TMEM132C: variants seen among roughly 807,000 people sequenced by gnomAD.
TMEM132C encodes the protein transmembrane protein 132C.
TMEM132C carries 29 observed loss-of-function variants against 61.4 expected under a neutral mutation model. That is an observed-to-expected ratio of 0.47 (90% CI 0.35 to 0.64). The LOEUF (loss-of-function observed/expected upper bound fraction) is 0.64. TMEM132C is among the 30% of genes least tolerant of loss of function. The probability of loss-of-function intolerance (pLI) is 0.00; values close to 1 mark genes in which losing one functional copy is unlikely to be tolerated. For synonymous variants in TMEM132C, 656 were observed against 633.1 expected (o/e 1.04, Z -0.54); for missense variants, 1,408 against 1,476.9 (o/e 0.95, Z 0.76).
intron 1 of TMEM132C, among the ~76,000 whole-genome samples, chr12:128,342,727 A>C (rs1200695195): frequency 6.6e-6 from 1 of 152,206 alleles, no homozygotes; most frequent in East Asian, 1.9e-4. Context: ...CAGAGAAGGA[A>C]TTCTGCTGCC....
intron 1 of TMEM132C, among the ~76,000 whole-genome samples, chr12:128,389,674 T>C (rs1051078306): frequency 2.0e-5 from 3 of 152,086 alleles, no homozygotes; most frequent in South Asian, 4.1e-4. Flanking sequence ...GAAGAGGACA[T>C]GGCCAGCCCT....
chr12:128,696,059 A>T lies in TMEM132C; in HGVS notation c.1885A>T (p.Ser629Cys). The T allele has an allele frequency of 6.4e-7, 1 of 1,551,692 alleles. No homozygotes were observed. Among genetic ancestry groups the T allele is most frequent in the Non-Finnish European group, 8.7e-7 (1 of 1,146,984 alleles). ...EEPHVATLQD[S>C]RVLVGREVGM... The stretch of plus-strand genomic sequence containing the variant: ...ACCTCACGTGGCCACCCTCCAGGAC[A>T]GCCGGGTCCTGGTTGGGCGAGAGGT... The change falls in exon 7 of 9, where the codon AGC becomes TGC. Residue 629 changes from serine (S) to cysteine (C), a missense_variant. Physicochemically the swap from Ser to Cys is moderately radical, Grantham distance 112. Transcript: ENST00000435159.
intron 1 of TMEM132C, among the ~76,000 whole-genome samples, chr12:128,354,853 C>T (rs1207083427): frequency 6.6e-6 from 1 of 152,174 alleles, no homozygotes; most frequent in African/African-American, 2.4e-5. Flanking sequence ...CACACCATCA[C>T]CCCCTGTTCC....
Position 128,705,461 on chromosome 12 carries a change from T to C in TMEM132C, c.2493T>C (p.His831=), listed in dbSNP as rs1301186989. The part of the protein sequence containing the change: ...ASDRRQKGQH[H]ERTGQDGHLY... ...ACCGCCGGCAGAAGGGCCAGCACCA[T>C]GAGCGCACAGGCCAAGATGGGCACC... Residue 831 remains histidine (H), a synonymous_variant, in exon 9 of 9, where the codon CAT becomes CAC. Coordinates refer to ENST00000435159, the MANE Select transcript of TMEM132C (RefSeq NM_001136103.3). 1.9e-6 allele frequency: 3 copies of C among 1,551,112 alleles called. No homozygotes were observed. The highest frequency in any genetic ancestry group is 3.3e-4 in the Middle Eastern group (2 of 5,990).
At chr12:128,292,819 A>G (rs1871288250) in intron 1 of TMEM132C, among the ~76,000 whole-genome samples, 1 of 152,170 alleles carries the variant, frequency 6.6e-6, no homozygotes, top group Admixed American at 6.5e-5. Context: ...ATCATGACAC[A>G]GTGGAATTAA....
chr12:128,677,433 A>C (rs1056164469), intron 5 of TMEM132C, among the ~76,000 whole-genome samples: 1 of 151,782 alleles, frequency 6.6e-6, no homozygotes, highest in African/African-American at 2.4e-5. Flanking sequence ...TACGGAGATG[A>C]TGGGCGACAT....
At chr12:128,633,065 T>C (rs1954075765) in intron 4 of TMEM132C, among the ~76,000 whole-genome samples, 1 of 152,010 alleles carries the variant, frequency 6.6e-6, no homozygotes, top group Non-Finnish European at 1.5e-5. Context: ...GTTGCAGGTA[T>C]GAGATTGGTG....
chr12:128,437,521 A>G (rs1397756886), intron 2 of TMEM132C, among the ~76,000 whole-genome samples: 1 of 152,082 alleles, frequency 6.6e-6, no homozygotes, highest in Admixed American at 6.5e-5. Context: ...TGTTCCATGC[A>G]GGAAGGAAGG....
chr12:128,590,669 A>C lies in TMEM132C; in HGVS notation c.1122-25483A>C, dbSNP rs183745807. ...GAATGGTGTTGAGTCACATCACATA[A>C]GGAGACGCAGGAGGTTCAGGCTGTC... On this transcript the variant is annotated intron_variant, in intron 3 of 8. Coordinates refer to ENST00000435159, the MANE Select transcript of TMEM132C (RefSeq NM_001136103.3). Among the ~76,000 whole-genome samples, 38 of 152,318 alleles carry C rather than the reference A, an allele frequency of 2.5e-4. No individual in the cohort carries two copies. The East Asian group carries it at 7.1e-3, about 29-fold the overall frequency.
chr12:128,333,489 TTG>T (rs1872715803), intron 1 of TMEM132C, among the ~76,000 whole-genome samples: 3 of 151,790 alleles, frequency 2.0e-5, no homozygotes, highest in East Asian at 1.9e-4. Context: ...GCTGTGTCTG[TTG>T]TGTGTGTGTT....
chr12:128,449,030 G>A lies in TMEM132C; in HGVS notation c.974+33410G>A, dbSNP rs1354028903. Among the ~76,000 whole-genome samples the A allele has an allele frequency of 4.6e-5, 7 of 151,392 alleles. No homozygotes were observed. The South Asian group carries it at 6.3e-4, about 14-fold the overall frequency. On this transcript the variant is annotated intron_variant, in intron 2 of 8. Coordinates refer to ENST00000435159, the MANE Select transcript of TMEM132C (RefSeq NM_001136103.3). ...CGGGCACCTGTAGTCCCAGCTACTC[G>A]GGAGGCTGAGACAGGAGAACGGCGT...
At position 128,661,876 on chromosome 12, in the gene TMEM132C, C is replaced by T. The variant is rs147355972; in HGVS notation, c.1306-7541C>T. ...ATATATTTACATAAACTATGTAAAACGTGCTTTTGTATAAAACATAAAAGC... is the reference window on the plus strand; with the variant it reads ...ATATATTTACATAAACTATGTAAAATGTGCTTTTGTATAAAACATAAAAGC... On this transcript the variant is annotated intron_variant, in intron 4 of 8. Coordinates refer to ENST00000435159, the MANE Select transcript of TMEM132C (RefSeq NM_001136103.3). Among the ~76,000 whole-genome samples, 5 of 152,176 alleles carry T rather than the reference C, an allele frequency of 3.3e-5. No homozygotes were observed. In the South Asian group the frequency reaches 6.2e-4, roughly 19 times the overall value.
intron 1 of TMEM132C, among the ~76,000 whole-genome samples, chr12:128,307,969 C>T (rs1446122253): frequency 1.3e-5 from 2 of 152,296 alleles, no homozygotes; most frequent in East Asian, 1.9e-4. Context: ...GTCCAATGAG[C>T]GTGGTACATT....
At chr12:128,627,055 G>T (rs577980276) in intron 4 of TMEM132C, among the ~76,000 whole-genome samples, 88 of 152,250 alleles carry the variant, frequency 5.8e-4, no homozygotes, top group African/African-American at 1.9e-3. Context: ...TGTCCTCACT[G>T]TGCCATCCTG....
chr12:128,442,300 G>A (rs943773893), intron 2 of TMEM132C, among the ~76,000 whole-genome samples: 1 of 152,208 alleles, frequency 6.6e-6, no homozygotes, highest in African/African-American at 2.4e-5. Context: ...AGAGTTGAAT[G>A]AGACAGATCC....
chr12:128,588,795 C>T (rs933557632), intron 3 of TMEM132C, among the ~76,000 whole-genome samples: 2 of 152,192 alleles, frequency 1.3e-5, no homozygotes, highest in African/African-American at 2.4e-5. Flanking sequence ...ACTGACTTCA[C>T]CCTGGGCTTC....
intron 4 of TMEM132C, among the ~76,000 whole-genome samples, chr12:128,661,167 G>A (rs1954385974): frequency 6.6e-6 from 1 of 152,204 alleles, no homozygotes; most frequent in Admixed American, 6.5e-5. Flanking sequence ...GGCACAAACT[G>A]AAGTGCTGTC....
intron 5 of TMEM132C, 117 bp from the exon 6 acceptor site, chr12:128,693,712 T>A: frequency 1.6e-6 from 2 of 1,214,542 alleles, no homozygotes; most frequent in Non-Finnish European, 1.2e-6. Flanking sequence ...GGCTCTGCTT[T>A]AGGAGAAACC....
In TMEM132C at chr12:128,605,670, G is replaced by A. The variant is rs755369721; in HGVS notation, c.1122-10482G>A. Among the ~76,000 whole-genome samples the A allele has an allele frequency of 7.2e-5, 11 of 152,266 alleles. 1 individual carries two copies. In the South Asian group the frequency reaches 1.5e-3, roughly 20 times the overall value. ...CGTCAAACCACCTCCTGAGGCATCG[G>A]CTGAGGAGAAGGAAGTGGGAGAGGA... On this transcript the variant is annotated intron_variant, in intron 3 of 8. Coordinates refer to ENST00000435159, the MANE Select transcript of TMEM132C (RefSeq NM_001136103.3).
Sources: allele counts gnomAD v4.1 joint callset (sites outside exome capture counted in the v4.1 genomes callset), GRCh38; gene constraint gnomAD v4.1.1; transcripts MANE v1.5; gene names NCBI Gene and HGNC (gene_info 2026-07-23, HGNC 2026-07-21).